The following SDK1 variants were observed in gnomAD, a reference collection of about 807,000 sequenced individuals.
SDK1 encodes the protein sidekick cell adhesion molecule 1.
In SDK1, 157 loss-of-function variants were observed where a neutral mutation model predicts 245.5. That is an observed-to-expected ratio of 0.64 (90% CI 0.56 to 0.73). The LOEUF is 0.73. Ranked by LOEUF, SDK1 falls within the 30% of genes least tolerant of loss-of-function variation. The probability of loss-of-function intolerance (pLI) is 0.00; values close to 1 mark genes in which losing one functional copy is unlikely to be tolerated. For synonymous variants in SDK1, 1,647 were observed against 1,278.5 expected, an observed-to-expected ratio of 1.29 and a Z score of -6.15; for missense variants, 3,583 against 3,002.3, an observed-to-expected ratio of 1.19 and a Z score of -4.52.
intron 5 of SDK1, among the ~76,000 whole-genome samples, chr7:3,866,638 C>T (rs375562513): frequency 1.3e-5 from 2 of 152,272 alleles, no homozygotes; most frequent in South Asian, 2.1e-4. Flanking sequence ...GTGGACTCCC[C>T]TGCCCCTGCC....
chr7:4,000,944 C>A (rs1028762299), intron 14 of SDK1, among the ~76,000 whole-genome samples: 2 of 152,038 alleles, frequency 1.3e-5, no homozygotes, highest in African/African-American at 2.4e-5. Flanking sequence ...TGTTGGGGGC[C>A]CAGAGGGGGC....
chr7:3,471,385 A>G (rs1764341117), intron 1 of SDK1, among the ~76,000 whole-genome samples: 1 of 152,122 alleles, frequency 6.6e-6, no homozygotes, highest in Non-Finnish European at 1.5e-5. Flanking sequence ...TTTTATTAGA[A>G]CTTATTTCTT....
intron 4 of SDK1, among the ~76,000 whole-genome samples, chr7:3,669,058 G>A (rs1583289881): frequency 6.6e-6 from 1 of 152,196 alleles, no homozygotes; most frequent in Admixed American, 6.5e-5. Flanking sequence ...AGCTCTTTGA[G>A]AGAATCTAAA....
intron 44 of SDK1, among the ~76,000 whole-genome samples, chr7:4,248,725 C>A (rs945913721): frequency 6.6e-6 from 1 of 152,108 alleles, no homozygotes. Context: ...CGCACACGCA[C>A]ATACCCAAAT....
chr7:3,574,333 G>T (rs1260048787), intron 1 of SDK1, among the ~76,000 whole-genome samples: 2 of 151,848 alleles, frequency 1.3e-5, no homozygotes, highest in African/African-American at 4.8e-5. Context: ...GGCCAGGCTG[G>T]TTTCGAACTC....
chr7:3,413,034 A>T (rs959378818), intron 1 of SDK1, among the ~76,000 whole-genome samples: 17 of 152,222 alleles, frequency 1.1e-4, no homozygotes, highest in Non-Finnish European at 1.8e-4. Flanking sequence ...TGAAAATAAT[A>T]CACATGACAA....
At chr7:3,864,038 A>G (rs901829789) in intron 5 of SDK1, among the ~76,000 whole-genome samples, 1 of 152,212 alleles carries the variant, frequency 6.6e-6, no homozygotes, top group African/African-American at 2.4e-5. Flanking sequence ...CAGTGGTCAC[A>G]TTCCCATCCA....
chr7:3,835,740 G>C (rs1780015923), intron 5 of SDK1, among the ~76,000 whole-genome samples: 1 of 152,204 alleles, frequency 6.6e-6, no homozygotes, highest in Admixed American at 6.5e-5. Context: ...AGGATATCAT[G>C]ATTGAAGCAG....
rs546205984 is a variant in SDK1 at position 4,245,687 on chromosome 7, G to T, written c.6263G>T (p.Arg2088Leu). The T allele has an allele frequency of 2.5e-6, 4 of 1,613,914 alleles. No individual in the cohort carries two copies. The South Asian group carries it at 4.4e-5, about 18-fold the overall frequency. Reference sequence around the variant, plus strand: ...GGTCCTCATCCTAGGTCCCCACCCCGGCCTAGCCCCGGCGGCCTGCACTAC... The same window carrying T: ...GGTCCTCATCCTAGGTCCCCACCCCTGCCTAGCCCCGGCGGCCTGCACTAC... ...SKKNGTRSPP[R>L]PSPGGLHYSD... The change falls in exon 44 of 45, where the codon CGG becomes CTG. Residue 2088 changes from arginine (R) to leucine (L), a missense_variant. Transcript: ENST00000404826.
chr7:3,889,229 C>G (rs1399299098), intron 5 of SDK1, among the ~76,000 whole-genome samples: 4 of 152,222 alleles, frequency 2.6e-5, no homozygotes, highest in African/African-American at 9.6e-5. Flanking sequence ...ATTCCTAATA[C>G]TTCTTTATAC....
chr7:3,541,040 G>C (rs1294115982), intron 1 of SDK1, among the ~76,000 whole-genome samples: 1 of 152,138 alleles, frequency 6.6e-6, no homozygotes, highest in African/African-American at 2.4e-5. Flanking sequence ...CCAAAGAACA[G>C]ATTTCCAAAG....
intron 4 of SDK1, among the ~76,000 whole-genome samples, chr7:3,656,717 C>G (rs1277071593): frequency 1.3e-5 from 2 of 151,018 alleles, no homozygotes; most frequent in Admixed American, 6.6e-5. Context: ...CTGGTCTTAT[C>G]TCAGGGTGTT....
intron 4 of SDK1, among the ~76,000 whole-genome samples, chr7:3,730,059 G>T (rs1022952505): frequency 1.3e-5 from 2 of 151,854 alleles, no homozygotes; most frequent in Non-Finnish European, 2.9e-5. Flanking sequence ...ATAGTACTTG[G>T]GTACACATGG....
intron 35 of SDK1, among the ~76,000 whole-genome samples, chr7:4,180,891 G>A (rs74935578): frequency 0.024 from 3,643 of 152,036 alleles, 63 homozygotes; most frequent in Non-Finnish European, 0.035. Context: ...CCACCTGCAC[G>A]TTGGGGATTA....
intron 1 of SDK1, among the ~76,000 whole-genome samples, chr7:3,410,106 ATACT>A: frequency 6.6e-6 from 1 of 152,312 alleles, no homozygotes; most frequent in African/African-American, 2.4e-5. Context: ...ATAATAAGTA[ATACT>A]TAAGTGTTAT....
At chr7:4,085,847 A>G (rs1781394284) in intron 22 of SDK1, among the ~76,000 whole-genome samples, 2 of 152,136 alleles carry the variant, frequency 1.3e-5, no homozygotes, top group South Asian at 4.1e-4. Flanking sequence ...GAGCCACTGC[A>G]CCTAGCTCAT....
chr7:3,923,195 T>G (rs1184411761), intron 5 of SDK1, among the ~76,000 whole-genome samples: 2 of 152,246 alleles, frequency 1.3e-5, no homozygotes, highest in African/African-American at 4.8e-5. Flanking sequence ...TCAAGCAGTG[T>G]AATTCAGAAA....
intron 4 of SDK1, among the ~76,000 whole-genome samples, chr7:3,752,586 TA>T (rs1779804321): frequency 6.6e-6 from 1 of 152,174 alleles, no homozygotes; most frequent in Non-Finnish European, 1.5e-5. Context: ...TTATAGAAAT[TA>T]TTTTTTTTTG....
chr7:3,929,365 A>G (rs949070899), intron 5 of SDK1, among the ~76,000 whole-genome samples: 1 of 152,304 alleles, frequency 6.6e-6, no homozygotes, highest in African/African-American at 2.4e-5. Flanking sequence ...CCAGGCACTC[A>G]CACCTGCCCA....
Sources: allele counts gnomAD v4.1 joint callset (sites outside exome capture counted in the v4.1 genomes callset), GRCh38; gene constraint gnomAD v4.1.1; transcripts MANE v1.5; gene names NCBI Gene and HGNC (gene_info 2026-07-23, HGNC 2026-07-21).